CLPB: variants seen among roughly 807,000 people sequenced by gnomAD.
CLPB encodes mitochondrial disaggregase.
Under a neutral mutation model 78.4 loss-of-function variants are expected in CLPB, and 40 were observed. The observed-to-expected ratio is 0.51, with a 90% confidence interval of 0.40 to 0.66. The LOEUF (loss-of-function observed/expected upper bound fraction) is 0.66. CLPB is among the 30% of genes least tolerant of loss of function. The pLI is 0.00. For missense variants in CLPB, 780 were observed against 886.9 expected (o/e 0.88, Z 1.53); for synonymous variants, 333 against 348.0 (o/e 0.96, Z 0.48).
chr11:72,330,329 G>A (rs1950202089), intron 5 of CLPB, among the ~76,000 whole-genome samples: 1 of 152,214 alleles, frequency 6.6e-6, no homozygotes, highest in Admixed American at 6.5e-5. Flanking sequence ...GGAAGGGCAT[G>A]GGCACCACCA....
rs1949382936 is a variant in CLPB, at chr11:72,286,016, C to T, written c.*7351G>A. ...GCACGATCTCATCTCACAGCAACCTCCACCTCCTGAGCTCCAGTTATATTC... is the reference window on the plus strand; with the variant it reads ...GCACGATCTCATCTCACAGCAACCTTCACCTCCTGAGCTCCAGTTATATTC... On this transcript the variant is annotated 3_prime_UTR_variant, in exon 16 of 16. Coordinates refer to ENST00000538039, the MANE Select transcript of CLPB (RefSeq NM_001258392.3). 1 of 150,910 alleles carries T rather than the reference C, an allele frequency of 6.6e-6. No homozygotes were observed. Among genetic ancestry groups the T allele is most frequent in the Non-Finnish European group, 1.5e-5 (1 of 67,894 alleles). The allele number at this position is 150,910 out of a possible 1,614,324, so 9.3% of individuals were successfully genotyped here.
chr11:72,433,999 C>T, intron 1 of CLPB, 73 bp downstream of exon 1: 1 of 1,536,458 alleles, frequency 6.5e-7, no homozygotes, highest in South Asian at 1.2e-5. Flanking sequence ...TAAGTACCTC[C>T]CACCCTCCTA....
At chr11:72,343,337 G>C (rs536776888) in intron 5 of CLPB, among the ~76,000 whole-genome samples, 1 of 152,120 alleles carries the variant, frequency 6.6e-6, no homozygotes, top group Non-Finnish European at 1.5e-5. Context: ...GGAGAGAATC[G>C]GAAATGTGGG....
intron 2 of CLPB, chr11:72,408,038 C>T: frequency 1.8e-6 from 2 of 1,084,166 alleles, no homozygotes; most frequent in Non-Finnish European, 2.7e-6. Flanking sequence ...CACAATCCTC[C>T]CAGTGTCATA....
At position 72,396,521 on chromosome 11, in the gene CLPB, T is replaced by C. The variant is rs79962669; in HGVS notation, c.542+6445A>G. Reference sequence around the variant, plus strand: ...GTGTCCCTGCATGAGAGTCCAGAGATAAGGAACCCAAGAATAGTGTGGGAG... The same window carrying C: ...GTGTCCCTGCATGAGAGTCCAGAGACAAGGAACCCAAGAATAGTGTGGGAG... On this transcript the variant is annotated intron_variant, in intron 3 of 15. Coordinates refer to ENST00000538039, the MANE Select transcript of CLPB (RefSeq NM_001258392.3). Among the ~76,000 whole-genome samples the C allele has an allele frequency of 3.6e-3, 555 of 152,282 alleles. 3 individuals carry two copies. The highest frequency in any genetic ancestry group is 0.019 in the East Asian group (101 of 5,184).
At chr11:72,325,143 T>C (rs553980410) in intron 6 of CLPB, among the ~76,000 whole-genome samples, 24 of 152,292 alleles carry the variant, frequency 1.6e-4, no homozygotes, top group Non-Finnish European at 2.6e-4. Context: ...CCACATATTT[T>C]TGTTTTATCT....
intron 5 of CLPB, chr11:72,354,529 C>G (rs1367444964): frequency 2.6e-6 from 1 of 382,772 alleles, no homozygotes; most frequent in Non-Finnish European, 4.6e-6. Flanking sequence ...TCTTCAGGCA[C>G]TTGAAGTATG....
Position 72,403,179 on chromosome 11 carries a change from C to T in CLPB, c.456-127G>A, listed in dbSNP as rs1473662009. 1.9e-5 allele frequency: 17 copies of T among 901,542 alleles called. No individual in the cohort carries two copies. In the Admixed American group the frequency reaches 3.3e-4, roughly 17 times the overall value. The allele number at this position is 901,542 out of a possible 1,614,324, so 55.8% of individuals were successfully genotyped here. A position where few individuals can be genotyped will look rare whatever the true frequency, so the allele number is the denominator to read the frequency against. ...ATCATGGATGTAAAAGTAGAAACAACCATAGAAGAAATGACATAGTCAACA... is the reference window on the plus strand; with the variant it reads ...ATCATGGATGTAAAAGTAGAAACAATCATAGAAGAAATGACATAGTCAACA... On this transcript the variant is annotated intron_variant, in intron 2 of 15. Coordinates refer to ENST00000538039, the MANE Select transcript of CLPB (RefSeq NM_001258392.3).
At chr11:72,426,941 C>T (rs1041575392) in intron 2 of CLPB, among the ~76,000 whole-genome samples, 1 of 152,192 alleles carries the variant, frequency 6.6e-6, no homozygotes, top group Non-Finnish European at 1.5e-5. Flanking sequence ...CACCCTCATA[C>T]CCTCCCAGAC....
At chr11:72,400,914 AC>A (rs1590898433) in intron 3 of CLPB, among the ~76,000 whole-genome samples, 2 of 152,000 alleles carry the variant, frequency 1.3e-5, no homozygotes, top group South Asian at 4.2e-4. Flanking sequence ...ATGTCTCCTT[AC>A]CTGCATTTGT....
At chr11:72,409,313 G>A (rs553511751) in intron 2 of CLPB, among the ~76,000 whole-genome samples, 2 of 152,234 alleles carry the variant, frequency 1.3e-5, no homozygotes, top group South Asian at 4.1e-4. Flanking sequence ...GCCACGCATG[G>A]TGGCTCACAC....
intron 5 of CLPB, among the ~76,000 whole-genome samples, chr11:72,351,989 C>T (rs1950622631): frequency 1.3e-5 from 2 of 152,196 alleles, no homozygotes; most frequent in Admixed American, 6.5e-5. Context: ...CCAGCATCTA[C>T]ATAAATAACA....
chr11:72,325,939 T>C (rs999648448), intron 6 of CLPB, among the ~76,000 whole-genome samples: 1 of 152,218 alleles, frequency 6.6e-6, no homozygotes, highest in Non-Finnish European at 1.5e-5. Flanking sequence ...TATATAACTA[T>C]ACATAGATAT....
chr11:72,302,247 C>T, intron 10 of CLPB, 57 bp downstream of exon 10: 3 of 1,549,882 alleles, frequency 1.9e-6, no homozygotes, highest in Non-Finnish European at 2.7e-6. Context: ...AAGACCCCGG[C>T]AGTCATGCTG....
chr11:72,306,892 C>T (rs1949754902), intron 9 of CLPB, among the ~76,000 whole-genome samples: 1 of 152,210 alleles, frequency 6.6e-6, no homozygotes, highest in Non-Finnish European at 1.5e-5. Context: ...CAACACCTGG[C>T]ATGGCACAGA....
intron 5 of CLPB, chr11:72,332,757 C>T (rs1418477699): frequency 6.6e-6 from 1 of 152,142 alleles, no homozygotes; most frequent in Non-Finnish European, 1.5e-5. Flanking sequence ...CTTTTTCAGG[C>T]TTACCAGAAT....
chr11:72,402,348 T>G (rs1855587682), intron 3 of CLPB, among the ~76,000 whole-genome samples: 1 of 152,232 alleles, frequency 6.6e-6, no homozygotes, highest in Non-Finnish European at 1.5e-5. Flanking sequence ...ATAAATCACT[T>G]TATCTCTTTG....
intron 4 of CLPB, among the ~76,000 whole-genome samples, chr11:72,379,463 A>T (rs1381361595): frequency 6.6e-6 from 1 of 152,080 alleles, no homozygotes; most frequent in Non-Finnish European, 1.5e-5. Context: ...TTTCAATCCC[A>T]CTTTGGAAGA....
chr11:72,304,301 C>T (rs1949709261), intron 9 of CLPB: 1 of 152,194 alleles, frequency 6.6e-6, no homozygotes, highest in Non-Finnish European at 1.5e-5. Flanking sequence ...TTTAACCTTC[C>T]GAACAATCCA....
Sources: gnomAD v4.1 joint callset for allele counts (sites outside exome capture counted in the v4.1 genomes callset) on GRCh38, gnomAD v4.1.1 for gene constraint, MANE v1.5 for transcripts, NCBI Gene and HGNC (gene_info 2026-07-23, HGNC 2026-07-21) for gene names.